Variants in UBR3 observed in about 807,000 individuals in gnomAD.
The protein encoded by UBR3 is E3 ubiquitin-protein ligase UBR3.
Under a neutral mutation model 243.2 loss-of-function variants are expected in UBR3, and 85 were observed. That is an observed-to-expected ratio of 0.35 (90% CI 0.29 to 0.42). UBR3 has a LOEUF of 0.42. UBR3 is among the 10% of genes least tolerant of loss of function. The pLI is 1.00. For missense variants in UBR3, 1,686 were observed against 2,300.8 expected (o/e 0.73, Z 5.47); for synonymous variants, 748 against 799.8 (o/e 0.94, Z 1.09).
chr2:169,977,828 G>A (rs1034168834), intron 24 of UBR3, among the ~76,000 whole-genome samples: 2 of 152,084 alleles, frequency 1.3e-5, no homozygotes, highest in South Asian at 2.1e-4. Flanking sequence ...TTGACACCTC[G>A]TATTAGCCAT....
At chr2:169,864,975 A>G (rs2083208148) in intron 1 of UBR3, among the ~76,000 whole-genome samples, 1 of 151,124 alleles carries the variant, frequency 6.6e-6, no homozygotes, top group South Asian at 2.1e-4. Context: ...AATCCCAGCT[A>G]CTCTGGAGAC....
intron 30 of UBR3, among the ~76,000 whole-genome samples, chr2:170,020,195 G>C (rs2090353286): frequency 6.6e-6 from 1 of 152,162 alleles, no homozygotes; most frequent in Non-Finnish European, 1.5e-5. Context: ...TCTGCAAGCA[G>C]ATTGAACCAC....
At chr2:169,951,610 C>CTGTGCATGCGAGT (rs2087035097) in intron 23 of UBR3, among the ~76,000 whole-genome samples, 1 of 152,036 alleles carries the variant, frequency 6.6e-6, no homozygotes, top group Non-Finnish European at 1.5e-5. Flanking sequence ...ATCGTTAACT[C>CTGTGCATGCGAGT]GCACAGGGTA....
At chr2:169,939,314 A>T (rs970316236) in intron 19 of UBR3, among the ~76,000 whole-genome samples, 6 of 149,210 alleles carry the variant, frequency 4.0e-5, no homozygotes, top group African/African-American at 1.5e-4. Context: ...GCTGGAGTGC[A>T]GTGGCAGGAT....
At chr2:169,931,575 A>G (rs958586008) in intron 18 of UBR3, among the ~76,000 whole-genome samples, 1 of 152,078 alleles carries the variant, frequency 6.6e-6, no homozygotes, top group Non-Finnish European at 1.5e-5. Context: ...GCTTCTTACC[A>G]TGTTTTCAAA....
chr2:169,850,239 C>T (rs2082613011), intron 1 of UBR3, among the ~76,000 whole-genome samples: 1 of 135,804 alleles, frequency 7.4e-6, no homozygotes, highest in Admixed American at 8.4e-5. Flanking sequence ...AGTGCAGCAG[C>T]ATGATATTGG....
chr2:169,831,925 G>C (rs2081953106), intron 1 of UBR3, among the ~76,000 whole-genome samples: 1 of 152,170 alleles, frequency 6.6e-6, no homozygotes. Context: ...CACTTTTAGA[G>C]GAAGGATTCC....
intron 8 of UBR3, among the ~76,000 whole-genome samples, chr2:169,901,714 T>C (rs1416856325): frequency 6.6e-6 from 1 of 152,266 alleles, no homozygotes; most frequent in African/African-American, 2.4e-5. Context: ...AAAAGCCTTA[T>C]AGTAGTATGT....
chr2:169,946,870 A>T (rs1345649925), intron 21 of UBR3, among the ~76,000 whole-genome samples: 1 of 152,080 alleles, frequency 6.6e-6, no homozygotes, highest in Admixed American at 6.6e-5. Context: ...TAAAGGTTTG[A>T]AGGTAATGGC....
At chr2:169,873,734 T>C (rs561701981) in intron 2 of UBR3, among the ~76,000 whole-genome samples, 12 of 152,236 alleles carry the variant, frequency 7.9e-5, no homozygotes, top group Non-Finnish European at 1.8e-4. Context: ...AAAAATATTA[T>C]TTTGATTTGG....
At chr2:170,015,220 A>G (rs1168338703) in intron 29 of UBR3, 61 bp from the exon 30 acceptor site, 28 of 1,409,560 alleles carry the variant, frequency 2.0e-5, no homozygotes, top group African/African-American at 1.4e-5. Flanking sequence ...AGACATGTCA[A>G]TAAAGCAGAT....
At chr2:169,925,561 A>G in intron 13 of UBR3, 58 bp from the exon 14 acceptor site, 3 of 1,425,824 alleles carry the variant, frequency 2.1e-6, no homozygotes, top group Non-Finnish European at 2.8e-6. Flanking sequence ...GTTATTTATA[A>G]TATTTTGTAA....
rs1223615258 is a variant in UBR3 at position 169,827,938 on chromosome 2, T to G, written c.431T>G (p.Leu144Arg). 1 of 1,484,214 alleles carries G rather than the reference T, an allele frequency of 6.7e-7. No individual in the cohort carries two copies. The highest frequency in any genetic ancestry group is 9.0e-7 in the Non-Finnish European group (1 of 1,116,460). 91.9% of individuals were successfully genotyped at this position (1,484,214 alleles called of 1,614,324 possible). A position where few individuals can be genotyped will look rare whatever the true frequency, so the allele number is the denominator to read the frequency against. Residue 144 changes from leucine to arginine, a missense_variant, in exon 1 of 39, where the codon CTG (leucine) becomes CGG (arginine). Coordinates refer to ENST00000272793, the MANE Select transcript of UBR3 (RefSeq NM_172070.4). ...TGCGGCATCTCGCCCTGCATGTCGCTGTGCGCCGAGTGCTTCCACCAGGGC... is the reference window on the plus strand; with the variant it reads ...TGCGGCATCTCGCCCTGCATGTCGCGGTGCGCCGAGTGCTTCCACCAGGGC... ...RTCGISPCMS[L>R]CAECFHQGDH...
In UBR3 at chr2:169,947,415, T is replaced by A. The variant is rs116816631; in HGVS notation, c.2911-127T>A. The A allele has an allele frequency of 4.5e-6, 3 of 671,046 alleles. No individual in the cohort carries two copies. The African/African-American group carries it at 5.6e-5, about 13-fold the overall frequency. 41.6% of individuals were successfully genotyped at this position (671,046 alleles called of 1,614,324 possible). Reference sequence around the variant, plus strand: ...TTAAATTTATTCACTTTATAATTTGTGGATGAGACAATAAGGGATTCAGGA... The same window carrying A: ...TTAAATTTATTCACTTTATAATTTGAGGATGAGACAATAAGGGATTCAGGA... On this transcript the variant is annotated intron_variant, in intron 21 of 38. Transcript: ENST00000272793.
chr2:169,876,531 TTATTGTATTG>T (rs71006049), intron 3 of UBR3, among the ~76,000 whole-genome samples: 116 of 147,334 alleles, frequency 7.9e-4, no homozygotes, highest in Admixed American at 2.0e-3. Context: ...CTGCCTCTCT[TTATTGTATTG>T]TATTGTATTG....
chr2:169,988,374 GTTT>G (rs2089124150), intron 25 of UBR3, among the ~76,000 whole-genome samples: 2 of 152,022 alleles, frequency 1.3e-5, no homozygotes, highest in Admixed American at 6.6e-5. Context: ...ATTATTTTAT[GTTT>G]TTAAGTTTAT....
intron 26 of UBR3, among the ~76,000 whole-genome samples, chr2:169,998,347 T>A (rs763679045): frequency 6.6e-6 from 1 of 152,250 alleles, no homozygotes; most frequent in Non-Finnish European, 1.5e-5. Flanking sequence ...AAAATCTTTT[T>A]TATAAAAAGT....
At chr2:170,022,784 C>G (rs1439932891) in intron 30 of UBR3, among the ~76,000 whole-genome samples, 1 of 152,110 alleles carries the variant, frequency 6.6e-6, no homozygotes, top group Non-Finnish European at 1.5e-5. Context: ...TCTGCCCTGC[C>G]TTGCCTGGAG....
At chr2:169,865,201 C>G (rs757483121) in intron 1 of UBR3, among the ~76,000 whole-genome samples, 1 of 151,944 alleles carries the variant, frequency 6.6e-6, no homozygotes, top group Admixed American at 6.6e-5. Context: ...TTTTAAGAGA[C>G]AGGGTCATGC....
Sources: gnomAD v4.1 joint callset for allele counts (sites outside exome capture counted in the v4.1 genomes callset) on GRCh38, gnomAD v4.1.1 for gene constraint, MANE v1.5 for transcripts, NCBI Gene and HGNC (gene_info 2026-07-23, HGNC 2026-07-21) for gene names.